The following RAB2A variants were observed in gnomAD, a reference collection of about 807,000 sequenced individuals.
RAB2A encodes ras-related protein Rab-2A.
In RAB2A, 7 loss-of-function variants were observed where a neutral mutation model predicts 32.5. That is an observed-to-expected ratio of 0.22 (90% CI 0.12 to 0.40). The LOEUF is 0.40. Among genes scored for constraint, RAB2A ranks in the 10% least tolerant of loss-of-function variants. The pLI, the probability that RAB2A is intolerant of heterozygous loss-of-function variation, is 1.00. For missense variants in RAB2A, 108 were observed against 260.7 expected (o/e 0.41, Z 4.03); for synonymous variants, 79 against 85.2 (o/e 0.93, Z 0.40).
Position 60,622,483 on chromosome 8 carries a change from G to A in RAB2A, c.*1714G>A, listed in dbSNP as rs1804543866. 1 of 152,146 alleles carries A rather than the reference G, an allele frequency of 6.6e-6. No homozygotes were observed. Among genetic ancestry groups the A allele is most frequent in the Admixed American group, 6.5e-5 (1 of 15,278 alleles). The allele number at this position is 152,146 out of a possible 1,614,324, so 9.4% of individuals were successfully genotyped here. A position where few individuals can be genotyped will look rare whatever the true frequency, so the allele number is the denominator to read the frequency against. On this transcript the variant is annotated 3_prime_UTR_variant, in exon 8 of 8. Transcript: ENST00000262646. ...GTACAGCCTTTTTTTCTTTCAAGTG[G>A]CTGTATCAAATTCACTGGTCTTACT... is the stretch of plus-strand genomic sequence containing the variant.
chr8:60,581,636 A>T (rs1803752005), intron 3 of RAB2A, among the ~76,000 whole-genome samples: 1 of 152,226 alleles, frequency 6.6e-6, no homozygotes, highest in African/African-American at 2.4e-5. Context: ...CAGTGAAATT[A>T]ATCCCTAAAG....
chr8:60,557,761 A>T (rs1468169418), intron 1 of RAB2A, among the ~76,000 whole-genome samples: 1 of 151,304 alleles, frequency 6.6e-6, no homozygotes, highest in African/African-American at 2.4e-5. Context: ...GTTTTAAAAG[A>T]CTGTCTCCCT....
At chr8:60,594,538 T>C (rs1264382914) in intron 6 of RAB2A, among the ~76,000 whole-genome samples, 1 of 152,174 alleles carries the variant, frequency 6.6e-6, no homozygotes, top group Non-Finnish European at 1.5e-5. Context: ...AACGAGCAGG[T>C]TTGTTACCTA....
intron 3 of RAB2A, among the ~76,000 whole-genome samples, chr8:60,576,648 G>C (rs1207415498): frequency 6.6e-6 from 1 of 152,040 alleles, no homozygotes; most frequent in African/African-American, 2.4e-5. Flanking sequence ...TTATACTCTT[G>C]ACGTATTATT....
In RAB2A at chr8:60,584,834, A is replaced by G; in HGVS notation, c.362+19A>G. On this transcript the variant is annotated intron_variant, in intron 5 of 7. Transcript: ENST00000262646. ...ATAAAAGGTAAAAAGGCTAATTTAG[A>G]GCTTACATTGCATTAGTGATGAAGA... 1 of 1,549,916 alleles carries G rather than the reference A, an allele frequency of 6.5e-7. No homozygotes were observed. The highest frequency in any genetic ancestry group is 8.9e-7 in the Non-Finnish European group (1 of 1,122,882).
intron 2 of RAB2A, among the ~76,000 whole-genome samples, chr8:60,566,313 CAAAA>C (rs1338727865): frequency 6.6e-6 from 1 of 152,066 alleles, no homozygotes; most frequent in Non-Finnish European, 1.5e-5. Flanking sequence ...AAATTAGAGT[CAAAA>C]AAATTTTTAC....
At chr8:60,558,683 C>A (rs1194246395) in intron 1 of RAB2A, 169 bp from the exon 2 acceptor site, 4 of 658,326 alleles carry the variant, frequency 6.1e-6, no homozygotes, top group Admixed American at 4.8e-5. Flanking sequence ...ACAGCTTCCA[C>A]CTAAATCATC....
At chr8:60,596,106 AAAG>A (rs1373644129) in intron 6 of RAB2A, among the ~76,000 whole-genome samples, 3 of 152,166 alleles carry the variant, frequency 2.0e-5, no homozygotes, top group African/African-American at 4.8e-5. Flanking sequence ...ACACAATAGA[AAAG>A]AAGAAGTCTC....
intron 1 of RAB2A, among the ~76,000 whole-genome samples, chr8:60,537,456 C>T (rs913664230): frequency 2.0e-5 from 3 of 152,100 alleles, no homozygotes; most frequent in Admixed American, 6.6e-5. Context: ...CTTGTAACCT[C>T]AGGTAATCCA....
At chr8:60,571,418 G>A (rs1488835342) in intron 2 of RAB2A, among the ~76,000 whole-genome samples, 3 of 152,144 alleles carry the variant, frequency 2.0e-5, no homozygotes, top group Admixed American at 2.0e-4. Flanking sequence ...GATTTGCCAG[G>A]ATGTTTGTGA....
At chr8:60,559,665 G>T (rs1308191727) in intron 2 of RAB2A, among the ~76,000 whole-genome samples, 1 of 152,180 alleles carries the variant, frequency 6.6e-6, no homozygotes, top group Non-Finnish European at 1.5e-5. Flanking sequence ...GAAAGCTGAA[G>T]AATCTAGCTG....
chr8:60,596,828 G>A (rs1489411448), intron 6 of RAB2A, among the ~76,000 whole-genome samples: 1 of 152,184 alleles, frequency 6.6e-6, no homozygotes, highest in Non-Finnish European at 1.5e-5. Flanking sequence ...GGCTGAGGCA[G>A]GAGAATGGCA....
intron 5 of RAB2A, among the ~76,000 whole-genome samples, chr8:60,585,746 G>A (rs74513901): frequency 0.12 from 18,309 of 152,134 alleles, 1,405 homozygotes; most frequent in Middle Eastern, 0.2. Context: ...TAAGGAAACT[G>A]GTAAGATATT....
At chr8:60,561,239 A>C (rs1808020705) in intron 2 of RAB2A, among the ~76,000 whole-genome samples, 1 of 152,108 alleles carries the variant, frequency 6.6e-6, no homozygotes, top group Non-Finnish European at 1.5e-5. Flanking sequence ...CCCTACATTA[A>C]ATTCCCTATG....
intron 2 of RAB2A, among the ~76,000 whole-genome samples, chr8:60,562,786 C>T (rs536736125): frequency 1.3e-5 from 2 of 152,018 alleles, no homozygotes; most frequent in African/African-American, 4.8e-5. Context: ...GAAAGCCGAC[C>T]CAGTTGCTCT....
intron 1 of RAB2A, among the ~76,000 whole-genome samples, chr8:60,526,031 A>ATATG (rs1563458396): frequency 9.6e-6 from 1 of 104,634 alleles, no homozygotes; most frequent in African/African-American, 4.9e-5. Flanking sequence ...ATATATATAT[A>ATATG]TATATATATA....
At chr8:60,544,873 G>A (rs1038386523) in intron 1 of RAB2A, among the ~76,000 whole-genome samples, 1 of 151,820 alleles carries the variant, frequency 6.6e-6, no homozygotes, top group Non-Finnish European at 1.5e-5. Flanking sequence ...CATGTTTCAC[G>A]GTTTTTCAGT....
At chr8:60,590,012 A>C (rs1332569581) in intron 5 of RAB2A, among the ~76,000 whole-genome samples, 1 of 151,442 alleles carries the variant, frequency 6.6e-6, no homozygotes, top group African/African-American at 2.4e-5. Context: ...CCCAGGCTGG[A>C]GTGCAGTGGC....
intron 1 of RAB2A, among the ~76,000 whole-genome samples, chr8:60,519,630 G>C (rs1053584339): frequency 2.0e-5 from 3 of 152,116 alleles, no homozygotes; most frequent in African/African-American, 7.2e-5. Context: ...CTTTTCTGTT[G>C]TATAGATACT....
Sources: allele counts gnomAD v4.1 joint callset (sites outside exome capture counted in the v4.1 genomes callset), GRCh38; gene constraint gnomAD v4.1.1; transcripts MANE v1.5; gene names NCBI Gene and HGNC (gene_info 2026-07-23, HGNC 2026-07-21).